The following ARFIP1 variants were observed in gnomAD, a reference collection of about 807,000 sequenced individuals.
ARFIP1 encodes arfaptin-1.
Under a neutral mutation model 42.5 loss-of-function variants are expected in ARFIP1, and 24 were observed. The ratio of observed to expected loss-of-function variants is 0.57; its 90% confidence interval spans 0.41 to 0.80. The LOEUF is 0.80. Ranked by LOEUF, ARFIP1 falls within the 30% of genes least tolerant of loss-of-function variation. The pLI, the probability that ARFIP1 is intolerant of heterozygous loss-of-function variation, is 0.00. For synonymous variants in ARFIP1, 141 were observed against 153.7 expected, an observed-to-expected ratio of 0.92 and a Z score of 0.61; for missense variants, 354 against 434.0, an observed-to-expected ratio of 0.82 and a Z score of 1.64.
chr4:152,782,356 T>A (rs906156659), intron 1 of ARFIP1, among the ~76,000 whole-genome samples: 3 of 152,110 alleles, frequency 2.0e-5, no homozygotes, highest in African/African-American at 7.2e-5. Context: ...AAAACATTAG[T>A]GTTTCTAAAT....
intron 1 of ARFIP1, among the ~76,000 whole-genome samples, chr4:152,803,591 T>A (rs1352074246): frequency 3.3e-5 from 5 of 152,104 alleles, no homozygotes; most frequent in Non-Finnish European, 7.4e-5. Context: ...ACCACTGAGC[T>A]GTCATGATCA....
At chr4:152,841,832 T>G (rs1203615711) in intron 2 of ARFIP1, among the ~76,000 whole-genome samples, 1 of 152,144 alleles carries the variant, frequency 6.6e-6, no homozygotes, top group Non-Finnish European at 1.5e-5. Flanking sequence ...TCTTTCTACC[T>G]CTGGACCAGC....
chr4:152,788,700 CA>C (rs2149814399), intron 1 of ARFIP1, among the ~76,000 whole-genome samples: 1 of 151,926 alleles, frequency 6.6e-6, no homozygotes, highest in South Asian at 2.1e-4. Flanking sequence ...AAAACAAAAA[CA>C]TACTACATTA....
At chr4:152,823,904 C>T (rs1400740318) in intron 1 of ARFIP1, among the ~76,000 whole-genome samples, 1 of 151,192 alleles carries the variant, frequency 6.6e-6, no homozygotes, top group Non-Finnish European at 1.5e-5. Context: ...GATGCCAAAA[C>T]CAGGGAAGGA....
intron 1 of ARFIP1, among the ~76,000 whole-genome samples, chr4:152,826,300 A>C (rs1175472566): frequency 6.6e-6 from 1 of 152,222 alleles, no homozygotes; most frequent in Non-Finnish European, 1.5e-5. Flanking sequence ...AAAGAATGAA[A>C]TAATATCTTG....
rs557670126 is a variant in ARFIP1, at chr4:152,905,246, A to G, written c.967-4818A>G. Among the ~76,000 whole-genome samples, 25 of 152,312 alleles carry G rather than the reference A, an allele frequency of 1.6e-4. No individual in the cohort carries two copies. In the South Asian group the frequency reaches 2.3e-3, roughly 14 times the overall value. The stretch of plus-strand genomic sequence containing the variant: ...TTGTGTTACATAGTAGCTGCATGTA[A>G]GGTTTTAAGAAACTGACAAACTTTT... On this transcript the variant is annotated intron_variant, in intron 8 of 8. Transcript: ENST00000353617.
chr4:152,814,873 A>G (rs903582875), intron 1 of ARFIP1, among the ~76,000 whole-genome samples: 1 of 152,226 alleles, frequency 6.6e-6, no homozygotes, highest in Non-Finnish European at 1.5e-5. Context: ...TCCATTCTGC[A>G]AGTGAGCACG....
chr4:152,875,864 A>T (rs1735287884), intron 5 of ARFIP1, among the ~76,000 whole-genome samples: 1 of 151,886 alleles, frequency 6.6e-6, no homozygotes, highest in Non-Finnish European at 1.5e-5. Flanking sequence ...GAATCATGGG[A>T]GCCGGTCTTT....
intron 1 of ARFIP1, among the ~76,000 whole-genome samples, chr4:152,791,747 T>G (rs1323990091): frequency 6.6e-6 from 1 of 152,188 alleles, no homozygotes; most frequent in Non-Finnish European, 1.5e-5. Flanking sequence ...CTGCTTCAAT[T>G]CTTGCTATTC....
Position 152,910,854 on chromosome 4 carries a change from G to A in ARFIP1, c.*635G>A, listed in dbSNP as rs1397015656. ...ACACAGAAATCACACTGTCATTTCT[G>A]TGAGGCTTTTAAGCTTATGAATTTG... On this transcript the variant is annotated 3_prime_UTR_variant, in exon 9 of 9. Coordinates refer to ENST00000353617, the MANE Select transcript of ARFIP1 (RefSeq NM_001025595.3). 6.6e-6 allele frequency: 1 copy of A among 152,238 alleles called. No homozygotes were observed. The highest frequency in any genetic ancestry group is 1.9e-4 in the East Asian group (1 of 5,196). 9.4% of individuals were successfully genotyped at this position (152,238 alleles called of 1,614,324 possible).
intron 2 of ARFIP1, among the ~76,000 whole-genome samples, chr4:152,839,940 T>G (rs1656236644): frequency 1.3e-5 from 2 of 152,182 alleles, no homozygotes; most frequent in South Asian, 4.1e-4. Context: ...TTTGCACTTC[T>G]TAGCACCACC....
chr4:152,866,507 C>T (rs545393340), intron 3 of ARFIP1, among the ~76,000 whole-genome samples: 1 of 149,960 alleles, frequency 6.7e-6, no homozygotes, highest in East Asian at 2.0e-4. Flanking sequence ...CTGACCCCCC[C>T]ACCTCCCTCC....
intron 2 of ARFIP1, among the ~76,000 whole-genome samples, chr4:152,862,883 C>T (rs2149875948): frequency 6.6e-6 from 1 of 152,110 alleles, no homozygotes; most frequent in South Asian, 2.1e-4. Context: ...GGCCTTTTTG[C>T]CTAATCATTA....
chr4:152,893,610 G>C (rs1481473839), intron 8 of ARFIP1, among the ~76,000 whole-genome samples: 1 of 151,888 alleles, frequency 6.6e-6, no homozygotes, highest in Non-Finnish European at 1.5e-5. Flanking sequence ...AAAAGCAAGG[G>C]TTTTATTCTT....
intron 7 of ARFIP1, among the ~76,000 whole-genome samples, chr4:152,885,561 T>C (rs539897246): frequency 3.3e-4 from 50 of 152,126 alleles, no homozygotes; most frequent in African/African-American, 1.2e-3. Context: ...GAAAACTTAG[T>C]GAGCTTCTCT....
chr4:152,864,171 C>T (rs1352936386), intron 3 of ARFIP1, among the ~76,000 whole-genome samples: 1 of 151,986 alleles, frequency 6.6e-6, no homozygotes, highest in Admixed American at 6.5e-5. Context: ...CCTAAATTTC[C>T]TCCCTTCTCT....
At chr4:152,837,712 G>T (rs1422598673) in intron 2 of ARFIP1, among the ~76,000 whole-genome samples, 4 of 152,120 alleles carry the variant, frequency 2.6e-5, no homozygotes, top group Non-Finnish European at 5.9e-5. Context: ...TGAAGATTTT[G>T]TCCCACTCTG....
chr4:152,804,241 A>ATTTTAT (rs1491298205), intron 1 of ARFIP1, among the ~76,000 whole-genome samples: 3 of 15,686 alleles, frequency 1.9e-4, no homozygotes, highest in African/African-American at 3.7e-4. Context: ...TATTATATAT[A>ATTTTAT]ATATATAATA....
intron 1 of ARFIP1, among the ~76,000 whole-genome samples, chr4:152,820,432 G>A (rs1730276561): frequency 1.3e-5 from 2 of 152,136 alleles, no homozygotes; most frequent in South Asian, 4.1e-4. Flanking sequence ...GTATTAGTTT[G>A]TTCTTACATT....
Sources: gnomAD v4.1 joint callset for allele counts (sites outside exome capture counted in the v4.1 genomes callset) on GRCh38, gnomAD v4.1.1 for gene constraint, MANE v1.5 for transcripts, NCBI Gene and HGNC (gene_info 2026-07-23, HGNC 2026-07-21) for gene names.